PCCA: variants seen among roughly 807,000 people sequenced by gnomAD.
PCCA encodes the protein propionyl-CoA carboxylase subunit alpha, also known as propionyl-CoA carboxylase alpha chain, mitochondrial.
In PCCA, 74 loss-of-function variants were observed where a neutral mutation model predicts 101.3. The ratio of observed to expected loss-of-function variants is 0.73; its 90% confidence interval spans 0.61 to 0.89. The LOEUF is 0.89. PCCA is among the 40% of genes least tolerant of loss of function. The pLI is 0.00. For synonymous variants in PCCA, 294 were observed against 313.6 expected (o/e 0.94, Z 0.66); for missense variants, 891 against 907.0 (o/e 0.98, Z 0.23).
At chr13:100,283,204 A>T (rs899287120) in intron 12 of PCCA, among the ~76,000 whole-genome samples, 1 of 152,202 alleles carries the variant, frequency 6.6e-6, no homozygotes, top group Non-Finnish European at 1.5e-5. Context: ...ATGCGGCTTT[A>T]GCTGCAGCCC....
At chr13:100,422,070 T>TCTTTTCTTTC (rs1555454058) in intron 19 of PCCA, among the ~76,000 whole-genome samples, 1 of 110,666 alleles carries the variant, frequency 9.0e-6, no homozygotes, top group Admixed American at 1.0e-4. Context: ...TTCTCTTTTC[T>TCTTTTCTTTC]TTTCTTTCTT....
intron 19 of PCCA, among the ~76,000 whole-genome samples, chr13:100,375,154 A>G (rs1040319538): frequency 6.6e-6 from 1 of 152,180 alleles, no homozygotes; most frequent in Admixed American, 6.5e-5. Flanking sequence ...CAGGTTGTTC[A>G]GTTTCCATGT....
At chr13:100,423,638 A>G (rs781746330) in intron 19 of PCCA, among the ~76,000 whole-genome samples, 4 of 152,188 alleles carry the variant, frequency 2.6e-5, no homozygotes, top group Non-Finnish European at 1.5e-5. Flanking sequence ...TGTATTTTCT[A>G]TCACCTATCA....
intron 20 of PCCA, among the ~76,000 whole-genome samples, chr13:100,442,732 T>A (rs894674754): frequency 2.6e-5 from 4 of 152,168 alleles, no homozygotes; most frequent in Non-Finnish European, 4.4e-5. Context: ...ATGAAGACTA[T>A]GAAATTGATA....
intron 21 of PCCA, chr13:100,464,660 G>T (rs192801113): frequency 6.6e-6 from 1 of 152,230 alleles, no homozygotes; most frequent in African/African-American, 2.4e-5. Context: ...CCTTAACATA[G>T]TTAATGTTTT....
At chr13:100,354,230 G>C (rs1321968224) in intron 18 of PCCA, among the ~76,000 whole-genome samples, 1 of 150,744 alleles carries the variant, frequency 6.6e-6, no homozygotes, top group Non-Finnish European at 1.5e-5. Flanking sequence ...AGTGAGCCAA[G>C]ATCATGCCAC....
rs887934776 is a variant in PCCA at position 100,445,921 on chromosome 13, A to G, written c.1846-3331A>G. The stretch of plus-strand genomic sequence containing the variant: ...GACATAACTGATTTCTTTCCTTTGG[A>G]TATATATGCAGTAGTGGGATTGTTG... On this transcript the variant is annotated intron_variant, in intron 20 of 23. Coordinates refer to ENST00000376285, the MANE Select transcript of PCCA (RefSeq NM_000282.4). 2.0e-5 allele frequency among the ~76,000 whole-genome samples: 3 copies of G among 152,102 alleles called. No homozygotes were observed. In the South Asian group the frequency reaches 6.2e-4, roughly 32 times the overall value.
intron 6 of PCCA, among the ~76,000 whole-genome samples, chr13:100,174,851 G>GA (rs2056089883): frequency 6.6e-6 from 1 of 151,252 alleles, no homozygotes; most frequent in South Asian, 2.1e-4. Context: ...GTATTCTTTG[G>GA]AAAAACTATT....
intron 12 of PCCA, among the ~76,000 whole-genome samples, chr13:100,297,437 A>G (rs1007709614): frequency 6.6e-6 from 1 of 152,228 alleles, no homozygotes; most frequent in African/African-American, 2.4e-5. Flanking sequence ...AAGGAGATTT[A>G]GTTTTCCCTA....
intron 19 of PCCA, among the ~76,000 whole-genome samples, chr13:100,415,708 GAATTTGTGT>G (rs2078318062): frequency 6.6e-6 from 1 of 152,134 alleles, no homozygotes; most frequent in Non-Finnish European, 1.5e-5. Context: ...AAAAAACTTG[GAATTTGTGT>G]ATGACAAAAA....
intron 12 of PCCA, among the ~76,000 whole-genome samples, chr13:100,277,917 T>A (rs1267876434): frequency 1.3e-5 from 2 of 152,216 alleles, no homozygotes; most frequent in Admixed American, 6.5e-5. Context: ...TGTCAAATAA[T>A]GTGGCTGATT....
At chr13:100,516,970 T>C (rs1156279512) in intron 22 of PCCA, among the ~76,000 whole-genome samples, 2 of 151,710 alleles carry the variant, frequency 1.3e-5, no homozygotes, top group Non-Finnish European at 2.9e-5. Context: ...GTTTTTTTTC[T>C]GGAAGGCATC....
chr13:100,183,217 G>T (rs1401239274), intron 6 of PCCA, among the ~76,000 whole-genome samples: 1 of 152,108 alleles, frequency 6.6e-6, no homozygotes, highest in African/African-American at 2.4e-5. Flanking sequence ...TCCTCCCCAA[G>T]AATTTATTCC....
At chr13:100,325,684 T>G (rs372768795) in intron 16 of PCCA, among the ~76,000 whole-genome samples, 7 of 152,312 alleles carry the variant, frequency 4.6e-5, no homozygotes, top group African/African-American at 1.7e-4. Context: ...GTGAAGCTGC[T>G]CATCTCCTAG....
At chr13:100,429,892 C>A (rs1439384145) in intron 20 of PCCA, among the ~76,000 whole-genome samples, 3 of 151,638 alleles carry the variant, frequency 2.0e-5, no homozygotes, top group East Asian at 3.9e-4. Context: ...CAGGTGTGAG[C>A]CATCACACCC....
intron 6 of PCCA, among the ~76,000 whole-genome samples, chr13:100,186,127 G>A (rs931230560): frequency 1.3e-4 from 19 of 152,000 alleles, no homozygotes; most frequent in African/African-American, 4.4e-4. Context: ...TTCAGCATTG[G>A]TTCATCATTG....
At chr13:100,107,654 A>G (rs1431623148) in intron 2 of PCCA, among the ~76,000 whole-genome samples, 1 of 152,196 alleles carries the variant, frequency 6.6e-6, no homozygotes, top group Non-Finnish European at 1.5e-5. Flanking sequence ...TGACTTTGCC[A>G]CTAGTGAACT....
intron 22 of PCCA, among the ~76,000 whole-genome samples, chr13:100,525,251 A>G (rs2087691481): frequency 6.6e-6 from 1 of 152,186 alleles, no homozygotes; most frequent in Non-Finnish European, 1.5e-5. Flanking sequence ...CCGGACTCTC[A>G]CAATCAGACA....
chr13:100,232,775 C>T (rs1447315018), intron 7 of PCCA, among the ~76,000 whole-genome samples: 1 of 152,130 alleles, frequency 6.6e-6, no homozygotes, highest in Non-Finnish European at 1.5e-5. Context: ...AGTATTCTTG[C>T]CTGAGTACTC....
Sources: gnomAD v4.1 joint callset for allele counts (sites outside exome capture counted in the v4.1 genomes callset) on GRCh38, gnomAD v4.1.1 for gene constraint, MANE v1.5 for transcripts, NCBI Gene and HGNC (gene_info 2026-07-23, HGNC 2026-07-21) for gene names.